The following STAT6 variants were observed in gnomAD, a reference collection of about 807,000 sequenced individuals.
STAT6 encodes the protein signal transducer and activator of transcription 6, also known as STAT, interleukin4-induced.
STAT6 carries 45 observed loss-of-function variants against 106.3 expected under a neutral mutation model. The observed-to-expected ratio is 0.42, with a 90% CI of 0.33 to 0.54. The LOEUF (loss-of-function observed/expected upper bound fraction) is 0.54. Ranked by LOEUF, STAT6 falls within the 20% of genes least tolerant of loss-of-function variation. STAT6 has a pLI of 0.06. For missense variants in STAT6, 797 were observed against 1,062.2 expected, an observed-to-expected ratio of 0.75 and a Z score of 3.47; for synonymous variants, 413 against 413.6, an observed-to-expected ratio of 1.00 and a Z score of 0.02.
intron 9 of STAT6, 127 bp from the exon 10 acceptor site, chr12:57,104,940 A>G: frequency 2.4e-6 from 3 of 1,272,152 alleles, no homozygotes; most frequent in Non-Finnish European, 3.3e-6. Context: ...TGGGTTCTTA[A>G]GGGAGGAGTC....
At position 57,099,242 on chromosome 12, in the gene STAT6, C is replaced by T; in HGVS notation, c.1891+52G>A. ...GCAGGGAGAGGAGGGCAGCGGGGAG[C>T]AGGGAGGAAGTGGGTGACAGGAAGG... On this transcript the variant is annotated intron_variant, in intron 16 of 21. Transcript: ENST00000300134. This position sits in a 1 kb window ranked among gnomAD's most constrained non-coding sequence, Gnocchi z 4.7. The T allele has an allele frequency of 1.2e-6, 2 of 1,611,294 alleles. No individual in the cohort carries two copies. The highest frequency in any genetic ancestry group is 1.7e-5 in the Admixed American group (1 of 59,974).
At chr12:57,098,149 T>TA (rs2033570841) in intron 19 of STAT6, among the ~76,000 whole-genome samples, 1 of 152,226 alleles carries the variant, frequency 6.6e-6, no homozygotes, top group Non-Finnish European at 1.5e-5. Context: ...CGACTGGACT[T>TA]ACACAGCTTT....
intron 19 of STAT6, 87 bp downstream of exon 19, chr12:57,098,418 T>C (rs934855028): frequency 7.6e-7 from 1 of 1,317,278 alleles, no homozygotes; most frequent in African/African-American, 1.4e-5. Flanking sequence ...CATTTGCTGC[T>C]CCTTTCTCAC....
chr12:57,102,963 T>C (rs2034034713), intron 11 of STAT6, 42 bp from the exon 12 acceptor site: 3 of 476,388 alleles, frequency 6.3e-6, no homozygotes, highest in Admixed American at 4.6e-5. Flanking sequence ...TTTCTTTCTT[T>C]CCTTTTTTTT....
intron 13 of STAT6, chr12:57,100,815 T>TA: frequency 2.2e-6 from 1 of 447,642 alleles, no homozygotes; most frequent in Non-Finnish European, 4.5e-6. Flanking sequence ...GAGTCAGAAA[T>TA]ATGTGGTTCT....
chr12:57,108,066 A>G, intron 2 of STAT6, 97 bp downstream of exon 2: 1 of 806,760 alleles, frequency 1.2e-6, no homozygotes, highest in South Asian at 1.5e-5. Context: ...AACAGGTCTC[A>G]AGTTCTGAAT....
chr12:57,110,887 C>T lies in STAT6; in HGVS notation c.-22+242G>A, dbSNP rs1001863412. On this transcript the variant is annotated intron_variant, in intron 1 of 21. Coordinates refer to ENST00000300134, the MANE Select transcript of STAT6 (RefSeq NM_003153.5). ...CTGACTTTCCATGGCCCTGGGGGTG[C>T]AGGGGTGAGGCTGTGAAAACGTGAC... is the stretch of plus-strand genomic sequence containing the variant. Among the ~76,000 whole-genome samples the T allele has an allele frequency of 3.3e-5, 5 of 152,214 alleles. No homozygotes were observed. The East Asian group carries it at 9.7e-4, about 29-fold the overall frequency.
At chr12:57,098,357 A>G in intron 19 of STAT6, 148 bp downstream of exon 19, 2 of 824,778 alleles carry the variant, frequency 2.4e-6, no homozygotes, top group Non-Finnish European at 4.0e-6. Context: ...CCAGATCTTA[A>G]CTACTACCCC....
In STAT6 at chr12:57,096,373, G is replaced by A; in HGVS notation, c.*199C>T. 1.7e-6 allele frequency: 1 copy of A among 596,352 alleles called. No individual in the cohort carries two copies. The highest frequency in any genetic ancestry group is 2.9e-6 in the Non-Finnish European group (1 of 340,290). 36.9% of individuals were successfully genotyped at this position (596,352 alleles called of 1,614,324 possible). A position where few individuals can be genotyped will look rare whatever the true frequency, so the allele number is the denominator to read the frequency against. ...CAGTGCTGGAAGGAGGTGGGCAGGG[G>A]AATGATAGAAAGGAAGGAGTGGATT... On this transcript the variant is annotated 3_prime_UTR_variant, in exon 22 of 22. Transcript: ENST00000300134.
At chr12:57,105,724 G>A (rs1487926178) in intron 7 of STAT6, 125 bp from the exon 8 acceptor site, 1 of 1,416,790 alleles carries the variant, frequency 7.1e-7, no homozygotes, top group East Asian at 2.5e-5. Context: ...TAGTGGGTGT[G>A]GCTGCAAGGC....
intron 13 of STAT6, among the ~76,000 whole-genome samples, chr12:57,100,668 GAAAGAAAGAAAGAAAGAAAGA>G (rs1427126751): frequency 2.5e-5 from 1 of 39,418 alleles, no homozygotes; most frequent in Non-Finnish European, 5.2e-5. Context: ...AAGAAAGAAA[GAAAGAAAGAAAGAAAGAAAGA>G]AAGAAAGAAA....
Position 57,102,929 on chromosome 12 carries a change from G to T in STAT6, c.1213-8C>A, listed in dbSNP as rs374268231. 1 of 1,556,456 alleles carries T rather than the reference G, an allele frequency of 6.4e-7. No homozygotes were observed. Among genetic ancestry groups the T allele is most frequent in the Non-Finnish European group, 8.8e-7 (1 of 1,138,060 alleles). On this transcript the variant is annotated splice_polypyrimidine_tract_variant and splice_region_variant and intron_variant, in intron 11 of 21. Transcript: ENST00000300134. ...CAGGGGCAGAGACAGGGCCTGAAGA[G>T]GGTGAGGACAGGGGTTTCTTTTCTT...
At chr12:57,108,514 T>C (rs750618622) in intron 1 of STAT6, among the ~76,000 whole-genome samples, 49 of 150,062 alleles carry the variant, frequency 3.3e-4, no homozygotes, top group South Asian at 4.2e-4. Context: ...AGCTGAGCTG[T>C]AGCCAGAGGG....
chr12:57,107,863 C>T, intron 2 of STAT6, 120 bp from the exon 3 acceptor site: 2 of 1,390,740 alleles, frequency 1.4e-6, no homozygotes, highest in East Asian at 4.9e-5. Flanking sequence ...CATCTAGGCC[C>T]TCTGTAGCTT....
Position 57,102,335 on chromosome 12 carries a change from C to T in STAT6, c.1467G>A (p.Met489Ile), listed in dbSNP as rs144803834. 59 of 1,614,130 alleles carry T rather than the reference C, an allele frequency of 3.7e-5. No individual in the cohort carries two copies. The African/African-American group carries it at 7.7e-4, about 21-fold the overall frequency. Reference sequence around the variant, plus strand: ...ACACAGAACGGTGCTGGAAGGCCTCCATACTGAGGCTGTTGTCATTGAAGA... The same window carrying T: ...ACACAGAACGGTGCTGGAAGGCCTCTATACTGAGGCTGTTGTCATTGAAGA... ...QKIFNDNSLSMEAFQHRSVSW... is the reference protein window; with the variant it reads ...QKIFNDNSLSIEAFQHRSVSW... Residue 489 changes from methionine to isoleucine, a missense_variant, in exon 13 of 22, where the codon ATG (methionine) becomes ATA (isoleucine). This residue lies in a region of STAT6 where 222 missense variants were observed against 354.6 expected (regional missense o/e 0.63). Coordinates refer to ENST00000300134, the MANE Select transcript of STAT6 (RefSeq NM_003153.5).
At position 57,104,819 on chromosome 12, in the gene STAT6, AG is replaced by A. The variant is rs3024956; in HGVS notation, c.1002-7del. 2 of 1,614,100 alleles carry A rather than the reference AG, an allele frequency of 1.2e-6. No homozygotes were observed. The highest frequency in any genetic ancestry group is 2.2e-5 in the South Asian group (2 of 91,086). On this transcript the variant is annotated splice_polypyrimidine_tract_variant and splice_region_variant and intron_variant, in intron 9 of 21. Transcript: ENST00000300134. ...TGATTTCTCCAGTGCTTTCTCTGCC[AG>A]GGGAGGTCAGAGTGTGAACGAGCTC...
At chr12:57,106,022 A>C (rs2034252931) in intron 7 of STAT6, 169 bp downstream of exon 7, 1 of 1,159,730 alleles carries the variant, frequency 8.6e-7, no homozygotes, top group Admixed American at 2.7e-5. Context: ...CTTGTACAGG[A>C]TGCGACCTGA....
At chr12:57,105,030 C>T in intron 9 of STAT6, 121 bp downstream of exon 9, 1 of 1,322,440 alleles carries the variant, frequency 7.6e-7, no homozygotes, top group Non-Finnish European at 1.0e-6. Flanking sequence ...CTTGACCATT[C>T]AGGGTCTCCA....
rs181651936 is a variant in STAT6 at position 57,096,653 on chromosome 12, C to G, written c.2463G>C (p.Gln821His). 2 of 1,608,342 alleles carry G rather than the reference C, an allele frequency of 1.2e-6. No individual in the cohort carries two copies. The highest frequency in any genetic ancestry group is 1.7e-6 in the Non-Finnish European group (2 of 1,178,134). Residue 821 changes from glutamine to histidine, a missense_variant, in exon 22 of 22, where the codon CAG becomes CAC. Gln to His is a conservative substitution (Grantham distance 24, BLOSUM62 0). This residue lies in a region of STAT6 where 226 missense variants were observed against 236.7 expected (regional missense o/e 0.95). Coordinates refer to ENST00000300134, the MANE Select transcript of STAT6 (RefSeq NM_003153.5). ...CATAGTGGGAGGGCTGCAGGAGGGG[C>G]TGTGCCCCCAAGGACCCTCCCCCCG... is the stretch of plus-strand genomic sequence containing the variant. The part of the protein sequence containing the change: ...GESGGGSLGA[Q>H]PLLQPSHYGQ...
Sources: gnomAD v4.1 joint callset for allele counts (sites outside exome capture counted in the v4.1 genomes callset) on GRCh38, gnomAD v4.1.1 for gene constraint, gnomAD v4.1.1 regional missense constraint, Gnocchi (gnomAD v3.1) non-coding constraint, MANE v1.5 for transcripts, NCBI Gene and HGNC (gene_info 2026-07-23, HGNC 2026-07-21) for gene names.